SGCZ: variants seen among roughly 807,000 people sequenced by gnomAD.
The protein encoded by SGCZ is zeta-sarcoglycan.
SGCZ carries 40 observed loss-of-function variants against 41.3 expected under a neutral mutation model. That is an observed-to-expected ratio of 0.97 (90% CI 0.75 to 1.26). SGCZ has a LOEUF of 1.26. Ranked by LOEUF, SGCZ falls within the 50% of genes most tolerant of loss-of-function variation. The pLI is 0.00. For synonymous variants in SGCZ, 206 were observed against 137.5 expected (o/e 1.50, Z -3.49); for missense variants, 552 against 369.8 (o/e 1.49, Z -4.04).
At chr8:14,131,907 T>C (rs949450772) in intron 5 of SGCZ, among the ~76,000 whole-genome samples, 7 of 152,200 alleles carry the variant, frequency 4.6e-5, no homozygotes, top group African/African-American at 1.7e-4. Flanking sequence ...GGTTATTTTA[T>C]ATAGTCTAGG....
At chr8:14,479,739 TTTTTTTTTTTTTTTTTTTTTTTA>T (rs200814244) in intron 2 of SGCZ, among the ~76,000 whole-genome samples, 2,029 of 23,420 alleles carry the variant, frequency 0.087, 94 homozygotes, top group Admixed American at 0.27. Context: ...TTCTTTTTTT[TTTTTTTTTTTTTTTTTTTTTTTA>T]TTTGAGATGG....
intron 2 of SGCZ, among the ~76,000 whole-genome samples, chr8:14,377,670 C>T (rs1804183967): frequency 6.6e-6 from 1 of 151,308 alleles, no homozygotes; most frequent in Admixed American, 6.6e-5. Flanking sequence ...CCAATACTAT[C>T]CCTCCCCACT....
chr8:15,139,851 G>T (rs1007691534), intron 1 of SGCZ, among the ~76,000 whole-genome samples: 6 of 152,032 alleles, frequency 3.9e-5, no homozygotes, highest in Non-Finnish European at 8.8e-5. Flanking sequence ...TAATGACACG[G>T]TAGTCACTGA....
At chr8:14,901,800 A>G (rs1798981337) in intron 1 of SGCZ, among the ~76,000 whole-genome samples, 1 of 152,194 alleles carries the variant, frequency 6.6e-6, no homozygotes, top group South Asian at 2.1e-4. Flanking sequence ...CTATTTTTGT[A>G]TGTTTCATGT....
At chr8:15,101,207 C>A (rs1806598727) in intron 1 of SGCZ, among the ~76,000 whole-genome samples, 2 of 152,086 alleles carry the variant, frequency 1.3e-5, no homozygotes, top group African/African-American at 4.8e-5. Context: ...CTTTTGAACA[C>A]ACCAAATGTA....
chr8:15,090,103 C>T lies in SGCZ; in HGVS notation c.39+147482G>A, dbSNP rs114365287. 2.3e-3 allele frequency among the ~76,000 whole-genome samples: 349 copies of T among 152,184 alleles called. 1 individual carries two copies. Among genetic ancestry groups the T allele is most frequent in the African/African-American group, 7.9e-3 (328 of 41,526 alleles). On this transcript the variant is annotated intron_variant, in intron 1 of 7. Transcript: ENST00000382080. ...CAACTTTTCAGTTACTGACAAAGTG[C>T]CTTAAAAATGGAAATTTGTTTCTTA... is the stretch of plus-strand genomic sequence containing the variant.
intron 1 of SGCZ, among the ~76,000 whole-genome samples, chr8:14,622,111 A>G (rs1806305877): frequency 6.6e-6 from 1 of 152,184 alleles, no homozygotes; most frequent in Non-Finnish European, 1.5e-5. Context: ...AGAGGTACCA[A>G]GATTCAGCCC....
intron 7 of SGCZ, among the ~76,000 whole-genome samples, chr8:14,094,350 C>T (rs796173371): frequency 6.6e-5 from 10 of 152,088 alleles, no homozygotes; most frequent in African/African-American, 2.4e-4. Context: ...TCCATGTATT[C>T]TCATTGTTCA....
chr8:14,864,899 G>C lies in SGCZ; in HGVS notation c.40-309973C>G, dbSNP rs114124261. Among the ~76,000 whole-genome samples the C allele has an allele frequency of 8.5e-3, 1,297 of 152,002 alleles. 18 individuals are homozygous for C. The highest frequency in any genetic ancestry group is 0.03 in the African/African-American group (1,232 of 41,496). ...TGAGATAGTATCCTATATTGGTTTTGATTTTCATTTCCTTGATGGTTGGTG... is the reference window on the plus strand; with the variant it reads ...TGAGATAGTATCCTATATTGGTTTTCATTTTCATTTCCTTGATGGTTGGTG... On this transcript the variant is annotated intron_variant, in intron 1 of 7. Coordinates refer to ENST00000382080, the MANE Select transcript of SGCZ (RefSeq NM_139167.4).
At chr8:14,420,726 C>T (rs1214090170) in intron 2 of SGCZ, among the ~76,000 whole-genome samples, 1 of 152,088 alleles carries the variant, frequency 6.6e-6, no homozygotes, top group Non-Finnish European at 1.5e-5. Flanking sequence ...CAAGTGCAAA[C>T]TTCCTCCCAG....
At chr8:14,219,552 G>T (rs535217139) in intron 4 of SGCZ, among the ~76,000 whole-genome samples, 89 of 152,204 alleles carry the variant, frequency 5.8e-4, no homozygotes, top group Admixed American at 2.9e-3. Context: ...TTCGAGACCA[G>T]CCTGGCCAAC....
intron 2 of SGCZ, among the ~76,000 whole-genome samples, chr8:14,461,005 T>C (rs1209025434): frequency 6.6e-6 from 1 of 152,130 alleles, no homozygotes; most frequent in Non-Finnish European, 1.5e-5. Flanking sequence ...TAGGAAAATG[T>C]TACTTTTTCT....
Position 14,331,532 on chromosome 8 carries a change from T to C in SGCZ, c.235-7328A>G, listed in dbSNP as rs186000455. ...TTCATTTTAATTGGCCTCCCTGTAT[T>C]CCTGCATATTATCAGGAAATAAACT... On this transcript the variant is annotated intron_variant, in intron 2 of 7. Coordinates refer to ENST00000382080, the MANE Select transcript of SGCZ (RefSeq NM_139167.4). Among the ~76,000 whole-genome samples, 578 of 152,244 alleles carry C rather than the reference T, an allele frequency of 3.8e-3. 3 individuals are homozygous for C. Among genetic ancestry groups the C allele is most frequent in the African/African-American group, 0.014 (566 of 41,580 alleles).
At chr8:14,303,405 A>G (rs900977761) in intron 3 of SGCZ, among the ~76,000 whole-genome samples, 2 of 152,150 alleles carry the variant, frequency 1.3e-5, no homozygotes, top group African/African-American at 4.8e-5. Context: ...AATTATATAT[A>G]TTACAAAGGA....
intron 1 of SGCZ, among the ~76,000 whole-genome samples, chr8:15,056,703 G>A (rs1382503243): frequency 2.0e-5 from 3 of 152,194 alleles, no homozygotes; most frequent in Middle Eastern, 3.4e-3. Context: ...TGCACAAATG[G>A]TTGTATATGC....
intron 1 of SGCZ, among the ~76,000 whole-genome samples, chr8:15,182,446 C>A (rs893973573): frequency 6.6e-6 from 1 of 152,116 alleles, no homozygotes; most frequent in African/African-American, 2.4e-5. Context: ...ATGGTACAGC[C>A]TATTACTCCT....
chr8:14,633,736 G>A (rs1420061126), intron 1 of SGCZ, among the ~76,000 whole-genome samples: 1 of 151,644 alleles, frequency 6.6e-6, no homozygotes, highest in Non-Finnish European at 1.5e-5. Flanking sequence ...TTAGCCTCCA[G>A]GCAGGTAGAG....
intron 2 of SGCZ, among the ~76,000 whole-genome samples, chr8:14,370,142 T>C (rs1268570750): frequency 6.6e-6 from 1 of 151,934 alleles, no homozygotes; most frequent in Non-Finnish European, 1.5e-5. Context: ...GTGACTAGTT[T>C]GACACAAAGG....
chr8:15,132,661 GAGAGC>G, intron 1 of SGCZ, among the ~76,000 whole-genome samples: 1 of 152,272 alleles, frequency 6.6e-6, no homozygotes, highest in East Asian at 1.9e-4. Context: ...AACGAGTTGT[GAGAGC>G]AATTGGTAAA....
Sources: allele counts gnomAD v4.1 joint callset (sites outside exome capture counted in the v4.1 genomes callset), GRCh38; gene constraint gnomAD v4.1.1; transcripts MANE v1.5; gene names NCBI Gene and HGNC (gene_info 2026-07-23, HGNC 2026-07-21).